IQGAP2: variants seen among roughly 807,000 people sequenced by gnomAD.
IQGAP2 encodes the protein IQ motif containing GTPase activating protein 2.
A neutral mutation model predicts 201.3 loss-of-function variants in IQGAP2; 173 were observed. The observed-to-expected ratio is 0.86, with a 90% CI of 0.76 to 0.98. IQGAP2 has a LOEUF of 0.98. Ranked by LOEUF, IQGAP2 falls within the 50% of genes least tolerant of loss-of-function variation. The pLI is 0.00. For synonymous variants in IQGAP2, 675 were observed against 673.9 expected (o/e 1.00, Z -0.03); for missense variants, 1,687 against 1,864.8 (o/e 0.90, Z 1.76).
At chr5:76,544,961 CAGTATATATGTATATATGT>C (rs1349017734) in intron 2 of IQGAP2, among the ~76,000 whole-genome samples, 8 of 151,640 alleles carry the variant, frequency 5.3e-5, no homozygotes, top group Non-Finnish European at 1.2e-4. Flanking sequence ...TAGTTATATA[CAGTATATATGTATATATGT>C]ACTATATGTA....
rs1746567823 is a variant in IQGAP2, at chr5:76,590,443, GA to G, written c.681del (p.Gly228GlufsTer2). ...AAVIAINEAVEKGIAEQTVVT... is the reference protein window; with the variant it reads ...AAVIAINEAVXKGIAEQTVVT... ...AGTTATAGCCATTAATGAAGCAGTT[GA>G]AAAAGGAATAGCAGAGCAAACCGTT... On this transcript the variant is annotated frameshift_variant, in exon 8 of 36. Coordinates refer to ENST00000274364, the MANE Select transcript of IQGAP2 (RefSeq NM_006633.5). LOFTEE classifies it high-confidence loss of function. 3.1e-6 allele frequency: 5 copies of G among 1,610,858 alleles called. No individual in the cohort carries two copies. The highest frequency in any genetic ancestry group is 2.2e-5 in the South Asian group (2 of 90,174).
chr5:76,582,111 AG>A (rs997264751), intron 5 of IQGAP2, among the ~76,000 whole-genome samples: 12 of 152,216 alleles, frequency 7.9e-5, no homozygotes, highest in African/African-American at 2.9e-4. Context: ...TCACCAAGGC[AG>A]TTGAGGCACA....
intron 1 of IQGAP2, among the ~76,000 whole-genome samples, chr5:76,431,817 CAAAAA>C (rs11292591): frequency 2.6e-5 from 3 of 114,096 alleles, no homozygotes; most frequent in Non-Finnish European, 1.8e-5. Context: ...GACTCTGTAT[CAAAAA>C]AAAAAAAAAA....
chr5:76,538,958 G>A (rs1267344905), intron 2 of IQGAP2, among the ~76,000 whole-genome samples: 2 of 152,124 alleles, frequency 1.3e-5, no homozygotes, highest in Non-Finnish European at 2.9e-5. Flanking sequence ...CTGATGGTGG[G>A]GTGTCTGCTC....
intron 27 of IQGAP2, among the ~76,000 whole-genome samples, chr5:76,675,763 C>T (rs769717413): frequency 1.1e-4 from 17 of 152,142 alleles, no homozygotes; most frequent in Non-Finnish European, 2.1e-4. Context: ...CATGATTATT[C>T]ATTTCTATTT....
intron 2 of IQGAP2, among the ~76,000 whole-genome samples, chr5:76,484,366 T>A (rs1461690433): frequency 6.6e-6 from 1 of 152,124 alleles, no homozygotes; most frequent in African/African-American, 2.4e-5. Context: ...GCCCCTCAGG[T>A]GGGGAGGGCT....
In IQGAP2 at chr5:76,656,197, G is replaced by GT. The variant is rs200751521; in HGVS notation, c.2320+1194_2320+1195insT. On this transcript the variant is annotated intron_variant, in intron 20 of 35. Transcript: ENST00000274364. Reference sequence around the variant, plus strand: ...GTTGTTGTTTTTGGGGTTTTTTGTTGGTTTTTTTTGTTTGTTTTTTGTTTT... The same window carrying GT: ...GTTGTTGTTTTTGGGGTTTTTTGTTGTGTTTTTTTTGTTTGTTTTTTGTTTT... Among the ~76,000 whole-genome samples the GT allele has an allele frequency of 9.8e-3, 1,451 of 148,226 alleles. 22 individuals are homozygous for GT. Among genetic ancestry groups the GT allele is most frequent in the African/African-American group, 0.034 (1,353 of 40,066 alleles).
At chr5:76,533,028 T>A (rs907939118) in intron 2 of IQGAP2, among the ~76,000 whole-genome samples, 2 of 152,180 alleles carry the variant, frequency 1.3e-5, no homozygotes, top group Non-Finnish European at 2.9e-5. Context: ...CTTTCCCCAA[T>A]GGGAAGAGGG....
intron 2 of IQGAP2, among the ~76,000 whole-genome samples, 161 bp downstream of exon 2, chr5:76,461,830 T>C (rs1056657441): frequency 6.6e-6 from 1 of 152,182 alleles, no homozygotes; most frequent in Non-Finnish European, 1.5e-5. Flanking sequence ...CTGCACTCAG[T>C]GATTTAGATT....
intron 2 of IQGAP2, among the ~76,000 whole-genome samples, chr5:76,476,110 C>A (rs1463840107): frequency 6.6e-6 from 1 of 152,150 alleles, no homozygotes; most frequent in Admixed American, 6.5e-5. Flanking sequence ...CTTGATCTTA[C>A]AGGTGGAGTA....
chr5:76,408,787 T>C (rs1471960087), intron 1 of IQGAP2, among the ~76,000 whole-genome samples: 1 of 151,722 alleles, frequency 6.6e-6, no homozygotes, highest in East Asian at 1.9e-4. Flanking sequence ...ATCTCTCTTA[T>C]TTATTTATTT....
At chr5:76,543,081 C>T (rs1013375408) in intron 2 of IQGAP2, among the ~76,000 whole-genome samples, 2 of 152,124 alleles carry the variant, frequency 1.3e-5, no homozygotes, top group African/African-American at 2.4e-5. Flanking sequence ...CTGTGTCTTA[C>T]AGATAATCAG....
At chr5:76,580,181 C>T (rs1407742977) in intron 5 of IQGAP2, among the ~76,000 whole-genome samples, 2 of 151,988 alleles carry the variant, frequency 1.3e-5, no homozygotes. Context: ...GAGGCTGAGG[C>T]AGGAGAATCG....
At chr5:76,588,873 A>C in intron 5 of IQGAP2, 33 bp from the exon 6 acceptor site, 1 of 1,338,750 alleles carries the variant, frequency 7.5e-7, no homozygotes, top group Non-Finnish European at 1.1e-6. Context: ...ATGATGATAA[A>C]ATTTCTGATA....
chr5:76,412,684 G>A (rs1403233908), intron 1 of IQGAP2, among the ~76,000 whole-genome samples: 2 of 152,166 alleles, frequency 1.3e-5, no homozygotes, highest in Non-Finnish European at 2.9e-5. Flanking sequence ...AATATTTGCT[G>A]TTATGACAGG....
intron 1 of IQGAP2, among the ~76,000 whole-genome samples, chr5:76,424,824 G>A (rs10077372): frequency 0.4 from 60,182 of 152,012 alleles, 13,396 homozygotes; most frequent in East Asian, 0.52. Flanking sequence ...TGAAATTGTA[G>A]TACCTGCCTG....
chr5:76,683,264 G>C, intron 29 of IQGAP2, 47 bp downstream of exon 29: 1 of 1,360,466 alleles, frequency 7.4e-7, no homozygotes, highest in Non-Finnish European at 1.0e-6. Context: ...TGTTTAATTG[G>C]GTGGGTTGGT....
chr5:76,433,367 G>T, intron 1 of IQGAP2, among the ~76,000 whole-genome samples: 1 of 152,144 alleles, frequency 6.6e-6, no homozygotes, highest in Non-Finnish European at 1.5e-5. Flanking sequence ...GGTCATTGGT[G>T]GTGCTATGTT....
At chr5:76,623,036 T>A (rs906349610) in intron 13 of IQGAP2, 14 of 799,760 alleles carry the variant, frequency 1.8e-5, no homozygotes, top group Non-Finnish European at 3.0e-5. Flanking sequence ...ATTCTACCTT[T>A]TAATAATAAA....
Sources: gnomAD v4.1 joint callset for allele counts (sites outside exome capture counted in the v4.1 genomes callset) on GRCh38, gnomAD v4.1.1 for gene constraint, MANE v1.5 for transcripts, NCBI Gene and HGNC (gene_info 2026-07-23, HGNC 2026-07-21) for gene names.